Variants in MAN1B1 observed in about 807,000 individuals in gnomAD.
MAN1B1 encodes endoplasmic reticulum mannosyl-oligosaccharide 1,2-alpha-mannosidase.
A neutral mutation model predicts 75.5 loss-of-function variants in MAN1B1; 66 were observed. The observed-to-expected ratio is 0.87, with a 90% CI of 0.72 to 1.07. The LOEUF (loss-of-function observed/expected upper bound fraction) is 1.07. MAN1B1 is among the 50% of genes least tolerant of loss of function. The pLI is 0.00. For synonymous variants in MAN1B1, 453 were observed against 382.8 expected, an observed-to-expected ratio of 1.18 and a Z score of -2.14; for missense variants, 973 against 912.5, an observed-to-expected ratio of 1.07 and a Z score of -0.85.
At chr9:137,092,199 C>CA (rs113185527) in intron 3 of MAN1B1, among the ~76,000 whole-genome samples, 11,027 of 141,530 alleles carry the variant, frequency 0.078, 1,241 homozygotes, top group African/African-American at 0.25. Context: ...CCATCTCTAC[C>CA]AAAAAAAAAA....
At position 137,086,986 on chromosome 9, in the gene MAN1B1, T is replaced by C. The variant is rs768640237; in HGVS notation, c.-14T>C. 5.1e-6 allele frequency: 8 copies of C among 1,581,516 alleles called. No homozygotes were observed. Among genetic ancestry groups the C allele is most frequent in the Non-Finnish European group, 6.9e-6 (8 of 1,165,852 alleles). Reference sequence around the variant, plus strand: ...GCGTATCCGTGTGATGGGCGGGCTGTTGACGGCGCTGCGATGGCTGCCTGC... The same window carrying C: ...GCGTATCCGTGTGATGGGCGGGCTGCTGACGGCGCTGCGATGGCTGCCTGC... On this transcript the variant is annotated 5_prime_UTR_variant, in exon 1 of 13. Transcript: ENST00000371589.
rs989187528 is a variant in MAN1B1, at chr9:137,096,243, C to A, written c.472C>A (p.Gln158Lys). The A allele has an allele frequency of 1.9e-6, 3 of 1,614,034 alleles. No individual in the cohort carries two copies. Among genetic ancestry groups the A allele is most frequent in the South Asian group, 1.1e-5 (1 of 91,088 alleles). ...GTGACCAATTTCTCTACAGAAGACA[C>A]AAAGACACATCCAGCGGGGACCACC... ...NLPEISSQKTQRHIQRGPPHL... is the reference protein window; with the variant it reads ...NLPEISSQKTKRHIQRGPPHL... Residue 158 changes from glutamine to lysine, a missense_variant, in exon 4 of 13, where the codon CAA becomes AAA. Transcript: ENST00000371589.
chr9:137,095,453 T>A (rs562526542), intron 3 of MAN1B1, among the ~76,000 whole-genome samples: 1 of 151,990 alleles, frequency 6.6e-6, no homozygotes, highest in African/African-American at 2.4e-5. Context: ...GCATGTTGGC[T>A]GCAACCTGTC....
At chr9:137,097,977 G>GGGGC (rs1830701585) in intron 5 of MAN1B1, 40 bp downstream of exon 5, 1 of 1,473,506 alleles carries the variant, frequency 6.8e-7, no homozygotes, top group African/African-American at 1.4e-5. Context: ...CGGGCGCTCA[G>GGGGC]GGGCTGGTGG....
chr9:137,095,102 C>T (rs1483178148), intron 3 of MAN1B1, among the ~76,000 whole-genome samples: 3 of 152,050 alleles, frequency 2.0e-5, no homozygotes, highest in Admixed American at 6.6e-5. Context: ...GCAGGAGAAT[C>T]GTTTGAACCC....
Position 137,087,175 on chromosome 9 carries a change from A to G in MAN1B1, c.176A>G (p.Asn59Ser), listed in dbSNP as rs968733. The G allele has an allele frequency of 0.98, 1,567,160 of 1,592,650 alleles. 773,781 individuals carry two copies. Among genetic ancestry groups the G allele is most frequent in the Non-Finnish European group, 1 (1,168,909 of 1,170,418 alleles). The change falls in exon 1 of 13, where the codon AAC (asparagine) becomes AGC (serine). Residue 59 changes from asparagine to serine, a missense_variant. Transcript: ENST00000371589. Reference protein sequence around the residue: ...FISVTLSFGENYDNSKSWRRR... With the variant: ...FISVTLSFGESYDNSKSWRRR... ...TCGGTGACGCTGAGCTTTGGCGAGAACTATGACAACAGCAAGAGTTGGCGG... is the reference window on the plus strand; with the variant it reads ...TCGGTGACGCTGAGCTTTGGCGAGAGCTATGACAACAGCAAGAGTTGGCGG...
At position 137,086,990 on chromosome 9, in the gene MAN1B1, C is replaced by G. The variant is rs765672522; in HGVS notation, c.-10C>G. On this transcript the variant is annotated 5_prime_UTR_variant, in exon 1 of 13. Transcript: ENST00000371589. ...ATCCGTGTGATGGGCGGGCTGTTGA[C>G]GGCGCTGCGATGGCTGCCTGCGAGG... The G allele has an allele frequency of 6.3e-7, 1 of 1,584,288 alleles. No homozygotes were observed. Among genetic ancestry groups the G allele is most frequent in the South Asian group, 1.2e-5 (1 of 86,756 alleles).
chr9:137,106,737 G>A lies in MAN1B1; in HGVS notation c.1494G>A (p.Leu498=), dbSNP rs917478147. 6.2e-7 allele frequency: 1 copy of A among 1,613,554 alleles called. No individual in the cohort carries two copies. The change falls in exon 10 of 13, where the codon CTG becomes CTA. Residue 498 remains leucine (L), a synonymous_variant. Transcript: ENST00000371589. ...CCATCGAGGGTGTCAGAACGCACCTGCTGCGGCACTCCGAGCCCAGTAAGC... is the reference window on the plus strand; with the variant it reads ...CCATCGAGGGTGTCAGAACGCACCTACTGCGGCACTCCGAGCCCAGTAAGC... ...VEAIEGVRTH[L]LRHSEPSKLT...
rs562965540 is a variant in MAN1B1 at position 137,105,829 on chromosome 9, G to A, written c.1255-296G>A. 1.4e-5 allele frequency: 8 copies of A among 579,510 alleles called. No homozygotes were observed. The African/African-American group carries it at 1.5e-4, about 11-fold the overall frequency. 35.9% of individuals were successfully genotyped at this position (579,510 alleles called of 1,614,324 possible). A position where few individuals can be genotyped will look rare whatever the true frequency, so the allele number is the denominator to read the frequency against. ...GTGAGGACAGTGCCTGTGGTTGTCA[G>A]ATGCTGTCCCTTCGAGTAAGGGATG... On this transcript the variant is annotated intron_variant, in intron 8 of 12. Transcript: ENST00000371589.
chr9:137,107,913 G>T (rs1315116040), intron 12 of MAN1B1: 2 of 654,044 alleles, frequency 3.1e-6, no homozygotes, highest in Non-Finnish European at 2.8e-6. Flanking sequence ...ATTTCTCAGG[G>T]CCTGTCTAGG....
intron 6 of MAN1B1, 126 bp from the exon 7 acceptor site, chr9:137,100,879 C>G (rs1352038505): frequency 2.8e-6 from 3 of 1,088,916 alleles, no homozygotes; most frequent in Non-Finnish European, 2.8e-6. Flanking sequence ...CTCAGCCTCC[C>G]AAAGTGCTGG....
At chr9:137,099,142 A>G (rs537496807) in intron 5 of MAN1B1, among the ~76,000 whole-genome samples, 3 of 152,298 alleles carry the variant, frequency 2.0e-5, no homozygotes, top group African/African-American at 7.2e-5. Context: ...AAAAATTTAA[A>G]AAAAGGGAAC....
intron 8 of MAN1B1, chr9:137,105,437 G>A (rs116017090): frequency 0.023 from 4,281 of 186,458 alleles, 193 homozygotes; most frequent in African/African-American, 0.093. Flanking sequence ...AGGCCCCCAT[G>A]GGCACCCCCA....
chr9:137,092,506 A>G (rs1208847352), intron 3 of MAN1B1, among the ~76,000 whole-genome samples: 1 of 151,112 alleles, frequency 6.6e-6, no homozygotes, highest in Non-Finnish European at 1.5e-5. Context: ...TCCCTTTCAT[A>G]CAGATTTTTA....
At chr9:137,089,138 G>T in intron 3 of MAN1B1, 133 bp downstream of exon 3, 5 of 1,158,864 alleles carry the variant, frequency 4.3e-6, no homozygotes, top group Non-Finnish European at 6.4e-6. Flanking sequence ...GTTTTGGACT[G>T]GTCGGATAAT....
At chr9:137,108,279 C>T (rs1831188762) in intron 12 of MAN1B1, 109 bp from the exon 13 acceptor site, 2 of 1,011,354 alleles carry the variant, frequency 2.0e-6, no homozygotes, top group Non-Finnish European at 3.1e-6. Flanking sequence ...CCACCCTGAG[C>T]TTGCGCTGGG....
chr9:137,103,697 C>T (rs1018154080), intron 8 of MAN1B1: 7 of 416,460 alleles, frequency 1.7e-5, no homozygotes, highest in African/African-American at 9.8e-5. Context: ...CACATTCACA[C>T]TGTTGCAGGC....
chr9:137,100,774 C>G (rs762768259), intron 6 of MAN1B1, among the ~76,000 whole-genome samples: 1 of 152,188 alleles, frequency 6.6e-6, no homozygotes, highest in Non-Finnish European at 1.5e-5. Context: ...CATGCGCCAC[C>G]ATACTCAGCT....
chr9:137,095,936 GGT>G (rs936232138), intron 3 of MAN1B1, among the ~76,000 whole-genome samples: 11 of 152,196 alleles, frequency 7.2e-5, no homozygotes, highest in Non-Finnish European at 1.5e-4. Context: ...TGCTGGAGCT[GGT>G]GTTTACTGCA....
Sources: gnomAD v4.1 joint callset for allele counts (sites outside exome capture counted in the v4.1 genomes callset) on GRCh38, gnomAD v4.1.1 for gene constraint, MANE v1.5 for transcripts, NCBI Gene and HGNC (gene_info 2026-07-23, HGNC 2026-07-21) for gene names.